Variants in CENPE observed in about 807,000 individuals in gnomAD.
The protein encoded by CENPE is centromere protein E.
A neutral mutation model predicts 336.1 loss-of-function variants in CENPE; 145 were observed. The ratio of observed to expected loss-of-function variants is 0.43; its 90% CI spans 0.38 to 0.50. CENPE has a LOEUF of 0.50. CENPE is among the 20% of genes least tolerant of loss of function. The pLI is 0.00. For missense variants in CENPE, 2,719 were observed against 3,023.3 expected, an observed-to-expected ratio of 0.90 and a Z score of 2.36; for synonymous variants, 1,013 against 984.8, an observed-to-expected ratio of 1.03 and a Z score of -0.54.
chr4:103,187,128 T>C (rs531994932), intron 8 of CENPE, among the ~76,000 whole-genome samples: 16 of 152,266 alleles, frequency 1.1e-4, no homozygotes, highest in African/African-American at 2.6e-4. Context: ...CCTTGCTAGA[T>C]TGGGGAAGTT....
intron 15 of CENPE, among the ~76,000 whole-genome samples, chr4:103,175,512 C>T (rs191206929): frequency 3.9e-5 from 6 of 152,006 alleles, no homozygotes; most frequent in Admixed American, 3.9e-4. Context: ...ATGTCTATTA[C>T]TTTATACAAC....
At chr4:103,142,195 C>A (rs1314778202) in intron 34 of CENPE, among the ~76,000 whole-genome samples, 1 of 152,052 alleles carries the variant, frequency 6.6e-6, no homozygotes, top group Non-Finnish European at 1.5e-5. Flanking sequence ...TAGATTGTTT[C>A]AGATTTTTAA....
At position 103,159,290 on chromosome 4, in the gene CENPE, G is replaced by A. The variant is rs368241887; in HGVS notation, c.2321C>T (p.Thr774Ile). The change falls in exon 22 of 49, where the codon ACA (threonine) becomes ATA (isoleucine). Residue 774 changes from threonine to isoleucine, a missense_variant. Coordinates refer to ENST00000265148, the MANE Select transcript of CENPE (RefSeq NM_001813.3). Reference protein sequence around the residue: ...QDKSEELHIITSEKDKLFSEV... With the variant: ...QDKSEELHIIISEKDKLFSEV... ...AGAAAACAATTTATCTTTTTCTGAT[G>A]TTATTATATGGAGCTCTTCAGATTT... The A allele has an allele frequency of 4.4e-5, 69 of 1,559,696 alleles. 1 individual carries two copies. The highest frequency in any genetic ancestry group is 4.3e-5 in the Non-Finnish European group (50 of 1,153,788).
chr4:103,135,731 A>G (rs1314036654), intron 40 of CENPE, among the ~76,000 whole-genome samples: 1 of 150,736 alleles, frequency 6.6e-6, no homozygotes, highest in South Asian at 2.2e-4. Context: ...CACTTAAAAC[A>G]ATAGTCTAAT....
In CENPE at chr4:103,132,852, C is replaced by A; in HGVS notation, c.6765G>T (p.Lys2255Asn). Residue 2255 changes from lysine (K) to asparagine (N), a missense_variant, in exon 42 of 49, where the codon AAG (lysine) becomes AAT (asparagine). Physicochemically the swap from Lys to Asn is moderately conservative, Grantham distance 94 (BLOSUM62 0). Coordinates refer to ENST00000265148, the MANE Select transcript of CENPE (RefSeq NM_001813.3). The part of the protein sequence containing the change: ...DFSESEFPSI[K>N]TEFQQVLSNR... ...TACTTAGTACTTGTTGAAATTCAGT[C>A]TTTATGCTAGGGAACTCACTTTCTG... is the stretch of plus-strand genomic sequence containing the variant. 6.4e-7 allele frequency: 1 copy of A among 1,554,956 alleles called. No individual in the cohort carries two copies. Among genetic ancestry groups the A allele is most frequent in the Admixed American group, 1.9e-5 (1 of 52,034 alleles).
Position 103,144,562 on chromosome 4 carries a change from C to G in CENPE, c.4914G>C (p.Glu1638Asp), listed in dbSNP as rs765178730. The G allele has an allele frequency of 1.6e-5, 25 of 1,612,858 alleles. No individual in the cohort carries two copies. Among genetic ancestry groups the G allele is most frequent in the Non-Finnish European group, 2.0e-5 (24 of 1,179,208 alleles). ...CTATTTCACACATTTTCTCCTGAGTCTCATTGACAGCTGTCATCTTAAGAA... is the reference window on the plus strand; with the variant it reads ...CTATTTCACACATTTTCTCCTGAGTGTCATTGACAGCTGTCATCTTAAGAA... ...YQFLKMTAVN[E>D]TQEKMCEIEH... The change falls in exon 33 of 49, where the codon GAG becomes GAC. Residue 1638 changes from glutamate to aspartate, a missense_variant. Glu to Asp is a conservative substitution (Grantham distance 45, BLOSUM62 2). Coordinates refer to ENST00000265148, the MANE Select transcript of CENPE (RefSeq NM_001813.3).
intron 12 of CENPE, 64 bp downstream of exon 12, chr4:103,181,273 T>C (rs1015624967): frequency 1.6e-5 from 19 of 1,206,230 alleles, no homozygotes; most frequent in Non-Finnish European, 2.1e-5. Context: ...TCTCTGAGCA[T>C]TTGGGCAGGT....
rs188597591 is a variant in CENPE, at chr4:103,190,568, G to T, written c.693+3661C>A. Among the ~76,000 whole-genome samples, 159 of 152,292 alleles carry T rather than the reference G, an allele frequency of 1.0e-3. 4 individuals are homozygous for T. The highest frequency in any genetic ancestry group is 9.7e-3 in the Admixed American group (148 of 15,298). On this transcript the variant is annotated intron_variant, in intron 8 of 48. Coordinates refer to ENST00000265148, the MANE Select transcript of CENPE (RefSeq NM_001813.3). ...AAGGATTGCCTATTTAATAAATGGT[G>T]CTGGGAAAACTGGCTAGCCATATGT...
At chr4:103,169,327 A>G (rs1056562812) in intron 16 of CENPE, among the ~76,000 whole-genome samples, 1 of 152,164 alleles carries the variant, frequency 6.6e-6, no homozygotes, top group African/African-American at 2.4e-5. Context: ...CTGCAGTTCA[A>G]GTAGAGAAAA....
chr4:103,118,283 G>A (rs1750316190), intron 44 of CENPE, among the ~76,000 whole-genome samples: 1 of 152,114 alleles, frequency 6.6e-6, no homozygotes, highest in African/African-American at 2.4e-5. Flanking sequence ...TGTAATGGTC[G>A]ATTATTTTAA....
intron 13 of CENPE, among the ~76,000 whole-genome samples, chr4:103,179,204 C>T (rs746113299): frequency 5.9e-5 from 9 of 152,142 alleles, no homozygotes; most frequent in Non-Finnish European, 1.5e-5. Flanking sequence ...AACATTTCTC[C>T]AATTTATCCA....
intron 34 of CENPE, among the ~76,000 whole-genome samples, chr4:103,142,926 T>C (rs1026490119): frequency 4.7e-5 from 7 of 148,630 alleles, no homozygotes; most frequent in Non-Finnish European, 1.0e-4. Flanking sequence ...GGAGAATCGC[T>C]TGAACCCGGG....
chr4:103,115,978 G>A (rs79943267), intron 45 of CENPE, among the ~76,000 whole-genome samples: 2,662 of 152,060 alleles, frequency 0.018, 43 homozygotes, highest in Non-Finnish European at 0.029. Flanking sequence ...TGATTTGCCC[G>A]TGTAGCCCTC....
chr4:103,151,313 A>G lies in CENPE; in HGVS notation c.3302T>C (p.Val1101Ala), dbSNP rs758906989. 2.0e-5 allele frequency: 32 copies of G among 1,607,516 alleles called. No homozygotes were observed. In the South Asian group the frequency reaches 2.7e-4, roughly 14 times the overall value. The change falls in exon 26 of 49, where the codon GTT (valine) becomes GCT (alanine). Residue 1101 changes from valine (V) to alanine (A), a missense_variant. Physicochemically the swap from Val to Ala is moderately conservative, Grantham distance 64 (BLOSUM62 0). Around this residue, in one of 5 missense-constraint regions of CENPE, gnomAD observed 2,437 missense variants for 2,513.3 expected, o/e 0.97. Coordinates refer to ENST00000265148, the MANE Select transcript of CENPE (RefSeq NM_001813.3). ...TATGGCATGGTTCTTTTCTTGTGCAACTATCTCTTGTTGCTTTTTAAGTTC... is the reference window on the plus strand; with the variant it reads ...TATGGCATGGTTCTTTTCTTGTGCAGCTATCTCTTGTTGCTTTTTAAGTTC... ...GDELKKQQEI[V>A]AQEKNHAIKK...
At position 103,106,106 on chromosome 4, in the gene CENPE, T is replaced by C; in HGVS notation, c.*116A>G. 1.8e-6 allele frequency: 1 copy of C among 550,956 alleles called. No homozygotes were observed. Among genetic ancestry groups the C allele is most frequent in the Non-Finnish European group, 2.9e-6 (1 of 340,096 alleles). 34.1% of individuals were successfully genotyped at this position (550,956 alleles called of 1,614,324 possible). ...TTATCTTTCAACTCTAGTGGCAAAG[T>C]AAAGACTGAATTGAAATTAAGCTGC... is the stretch of plus-strand genomic sequence containing the variant. On this transcript the variant is annotated 3_prime_UTR_variant, in exon 49 of 49. Transcript: ENST00000265148.
At chr4:103,138,294 G>A (rs1436605953) in intron 39 of CENPE, 57 bp downstream of exon 39, 12 of 1,184,956 alleles carry the variant, frequency 1.0e-5, no homozygotes, top group Middle Eastern at 1.9e-4. Flanking sequence ...TTCAGGTTTC[G>A]GTAAGCCTTT....
At chr4:103,133,924 T>G (rs1370651119) in intron 40 of CENPE, 32 bp from the exon 41 acceptor site, 1 of 1,413,552 alleles carries the variant, frequency 7.1e-7, no homozygotes, top group Non-Finnish European at 9.8e-7. Flanking sequence ...AATTGGTAAA[T>G]GAAAATTTTG....
intron 26 of CENPE, among the ~76,000 whole-genome samples, chr4:103,150,202 T>A (rs76019854): frequency 0.011 from 1,738 of 152,252 alleles, 33 homozygotes; most frequent in African/African-American, 0.041. Flanking sequence ...ACCTTTTTTA[T>A]AGGAGTATGA....
intron 13 of CENPE, among the ~76,000 whole-genome samples, chr4:103,178,085 A>C (rs1250733818): frequency 7.0e-6 from 1 of 142,850 alleles, no homozygotes; most frequent in African/African-American, 2.6e-5. Flanking sequence ...TCACCCTATC[A>C]TCTTAGATTC....
Sources: gnomAD v4.1 joint callset for allele counts (sites outside exome capture counted in the v4.1 genomes callset) on GRCh38, gnomAD v4.1.1 for gene constraint, gnomAD v4.1.1 regional missense constraint, MANE v1.5 for transcripts, NCBI Gene and HGNC (gene_info 2026-07-23, HGNC 2026-07-21) for gene names.